EDIL3: variants seen among roughly 807,000 people sequenced by gnomAD.
EDIL3 encodes EGF like and discoidin domains 3.
In EDIL3, 37 loss-of-function variants were observed where a neutral mutation model predicts 67.4. The ratio of observed to expected loss-of-function variants is 0.55; its 90% CI spans 0.42 to 0.72. The LOEUF is 0.72. Ranked by LOEUF, EDIL3 falls within the 30% of genes least tolerant of loss-of-function variation. The probability of loss-of-function intolerance (pLI) is 0.00; values close to 1 mark genes in which losing one functional copy is unlikely to be tolerated. For missense variants in EDIL3, 527 were observed against 586.3 expected, an observed-to-expected ratio of 0.90 and a Z score of 1.04; for synonymous variants, 195 against 196.3, an observed-to-expected ratio of 0.99 and a Z score of 0.05.
chr5:84,094,770 C>T (rs1051206670), intron 6 of EDIL3, among the ~76,000 whole-genome samples: 5 of 152,114 alleles, frequency 3.3e-5, no homozygotes, highest in East Asian at 1.9e-4. Context: ...CCTTTTGGGC[C>T]GATATATTCT....
intron 9 of EDIL3, among the ~76,000 whole-genome samples, chr5:84,042,749 G>A (rs1010756972): frequency 6.6e-6 from 1 of 152,162 alleles, no homozygotes; most frequent in Non-Finnish European, 1.5e-5. Context: ...CTTGTTAAAT[G>A]AGGAAAATCT....
At chr5:84,118,057 T>C (rs1031857970) in intron 5 of EDIL3, among the ~76,000 whole-genome samples, 1 of 152,154 alleles carries the variant, frequency 6.6e-6, no homozygotes, top group Admixed American at 6.5e-5. Context: ...AGTCATTCTT[T>C]TAATATACAG....
chr5:84,174,592 G>A (rs924312167), intron 4 of EDIL3, among the ~76,000 whole-genome samples: 1 of 152,180 alleles, frequency 6.6e-6, no homozygotes, highest in African/African-American at 2.4e-5. Flanking sequence ...TTGATGCAGA[G>A]AGGGTCCAAG....
chr5:84,315,513 C>T (rs950739391), intron 1 of EDIL3, among the ~76,000 whole-genome samples: 14 of 152,214 alleles, frequency 9.2e-5, no homozygotes, highest in African/African-American at 3.4e-4. Flanking sequence ...GATTTAACAC[C>T]TCATTGATTT....
intron 2 of EDIL3, among the ~76,000 whole-genome samples, chr5:84,252,875 A>G (rs866367235): frequency 6.6e-5 from 10 of 152,322 alleles, no homozygotes; most frequent in Middle Eastern, 3.4e-3. Flanking sequence ...GTGAGTTAAT[A>G]AAAGCATTAA....
chr5:84,317,761 G>A (rs1473040375), intron 1 of EDIL3, among the ~76,000 whole-genome samples: 1 of 152,132 alleles, frequency 6.6e-6, no homozygotes. Flanking sequence ...ACAAGACAAG[G>A]ATGCCCTCTC....
intron 9 of EDIL3, among the ~76,000 whole-genome samples, chr5:83,982,071 T>A (rs886065008): frequency 2.6e-5 from 4 of 152,114 alleles, no homozygotes; most frequent in Non-Finnish European, 5.9e-5. Flanking sequence ...ATCAATGCTA[T>A]CATGTTCTTA....
chr5:84,121,611 G>GA (rs894057678), intron 5 of EDIL3, among the ~76,000 whole-genome samples: 19 of 141,594 alleles, frequency 1.3e-4, no homozygotes, highest in Middle Eastern at 3.5e-3. Flanking sequence ...CCATTGGTCA[G>GA]AAAAAAAAAA....
chr5:84,292,013 C>T (rs541860725), intron 1 of EDIL3, among the ~76,000 whole-genome samples: 54 of 151,968 alleles, frequency 3.6e-4, no homozygotes, highest in African/African-American at 1.2e-3. Context: ...AGTGCTACAT[C>T]TCTACTGCCC....
chr5:84,136,438 A>G (rs1007423412), intron 5 of EDIL3, among the ~76,000 whole-genome samples: 4 of 152,026 alleles, frequency 2.6e-5, no homozygotes, highest in African/African-American at 9.7e-5. Flanking sequence ...GCCCCATCCC[A>G]TTGACTTTAG....
At chr5:84,167,478 A>G (rs1017397874) in intron 4 of EDIL3, among the ~76,000 whole-genome samples, 1 of 152,050 alleles carries the variant, frequency 6.6e-6, no homozygotes, top group African/African-American at 2.4e-5. Flanking sequence ...AAATTGAGGC[A>G]CCTGGTGTTT....
At chr5:84,142,118 T>G (rs1041734736) in intron 4 of EDIL3, among the ~76,000 whole-genome samples, 7 of 151,410 alleles carry the variant, frequency 4.6e-5, no homozygotes, top group Non-Finnish European at 7.4e-5. Flanking sequence ...TTGTACAGAT[T>G]ATAGCCAAAA....
intron 2 of EDIL3, among the ~76,000 whole-genome samples, chr5:84,253,369 A>AT (rs1490008250): frequency 3.9e-5 from 6 of 152,184 alleles, no homozygotes; most frequent in Admixed American, 3.9e-4. Flanking sequence ...AACTTTGAAA[A>AT]TTATTTCTCT....
intron 4 of EDIL3, among the ~76,000 whole-genome samples, chr5:84,170,899 A>G (rs1748800914): frequency 6.6e-6 from 1 of 151,892 alleles, no homozygotes; most frequent in Admixed American, 6.6e-5. Context: ...GGTTCAAGCA[A>G]TTCTCCTGCC....
chr5:84,178,815 G>A (rs908296518), intron 4 of EDIL3, among the ~76,000 whole-genome samples: 4 of 152,108 alleles, frequency 2.6e-5, no homozygotes, highest in Non-Finnish European at 4.4e-5. Context: ...CAAAATCCAA[G>A]TTCCCACTGC....
At chr5:84,378,163 G>A (rs1348712014) in intron 1 of EDIL3, among the ~76,000 whole-genome samples, 1 of 152,120 alleles carries the variant, frequency 6.6e-6, no homozygotes, top group Non-Finnish European at 1.5e-5. Context: ...TCTTAAATAA[G>A]TACATTGTTC....
At chr5:84,377,612 A>G (rs1253158115) in intron 1 of EDIL3, among the ~76,000 whole-genome samples, 1 of 152,196 alleles carries the variant, frequency 6.6e-6, no homozygotes, top group Non-Finnish European at 1.5e-5. Context: ...ACTTTGTTAA[A>G]TACCAAGCAC....
chr5:83,989,843 C>G (rs1017482275), intron 9 of EDIL3, among the ~76,000 whole-genome samples: 2 of 152,146 alleles, frequency 1.3e-5, no homozygotes, highest in African/African-American at 4.8e-5. Context: ...AGAGTTTCTC[C>G]TAGCTGGCTT....
At chr5:84,356,243 A>C (rs1413779168) in intron 1 of EDIL3, among the ~76,000 whole-genome samples, 1 of 152,218 alleles carries the variant, frequency 6.6e-6, no homozygotes, top group Non-Finnish European at 1.5e-5. Context: ...GAACTGATAA[A>C]CATATGCTTA....
Sources: gnomAD v4.1 joint callset for allele counts (sites outside exome capture counted in the v4.1 genomes callset) on GRCh38, gnomAD v4.1.1 for gene constraint, MANE v1.5 for transcripts, NCBI Gene and HGNC (gene_info 2026-07-23, HGNC 2026-07-21) for gene names.